MGAT4C: variants seen among roughly 807,000 people sequenced by gnomAD.
MGAT4C encodes alpha-1,3-mannosyl-glycoprotein 4-beta-N-acetylglucosaminyltransferase C.
In MGAT4C, 19 loss-of-function variants were observed where a neutral mutation model predicts 40.1. The ratio of observed to expected loss-of-function variants is 0.47; its 90% CI spans 0.33 to 0.70. The LOEUF (loss-of-function observed/expected upper bound fraction) is 0.70, where lower values mean the gene tolerates loss of function less well. Ranked by LOEUF, MGAT4C falls within the 30% of genes least tolerant of loss-of-function variation. The pLI, the probability that MGAT4C is intolerant of heterozygous loss-of-function variation, is 0.02. For missense variants in MGAT4C, 491 were observed against 563.2 expected (o/e 0.87, Z 1.30); for synonymous variants, 181 against 187.1 (o/e 0.97, Z 0.27).
intron 1 of MGAT4C, among the ~76,000 whole-genome samples, chr12:86,790,986 G>C (rs2136192788): frequency 6.6e-6 from 1 of 152,168 alleles, no homozygotes; most frequent in Admixed American, 6.6e-5. Flanking sequence ...CTGGGTTATT[G>C]GGAAGTTGCC....
At chr12:86,280,333 ATATATATTTATAATTAT>A (rs1292275724) in intron 4 of MGAT4C, among the ~76,000 whole-genome samples, 1 of 151,950 alleles carries the variant, frequency 6.6e-6, no homozygotes, top group Non-Finnish European at 1.5e-5. Context: ...TGTTGGGTGC[ATATATATTTATAATTAT>A]TATATCCTGT....
chr12:86,480,961 C>T (rs191554033), intron 2 of MGAT4C, among the ~76,000 whole-genome samples: 44 of 151,934 alleles, frequency 2.9e-4, no homozygotes, highest in African/African-American at 1.0e-3. Flanking sequence ...TGAAGTAAAA[C>T]TACCCATATA....
intron 1 of MGAT4C, among the ~76,000 whole-genome samples, chr12:86,102,937 A>G (rs1288227678): frequency 6.6e-6 from 1 of 152,188 alleles, no homozygotes; most frequent in East Asian, 1.9e-4. Context: ...TGTATCAGAT[A>G]TTTTGCAATT....
At chr12:86,829,429 GTAAC>G (rs1403308324) in intron 1 of MGAT4C, among the ~76,000 whole-genome samples, 3 of 151,542 alleles carry the variant, frequency 2.0e-5, no homozygotes, top group African/African-American at 2.4e-5. Flanking sequence ...GGAAGACTGA[GTAAC>G]TATTTCAAGT....
chr12:86,511,235 A>G (rs967413954), intron 2 of MGAT4C, among the ~76,000 whole-genome samples: 3 of 152,110 alleles, frequency 2.0e-5, no homozygotes, highest in Non-Finnish European at 4.4e-5. Context: ...CTGCTCCTGA[A>G]TGACTACTGG....
At chr12:86,562,679 G>A (rs545891607) in intron 2 of MGAT4C, among the ~76,000 whole-genome samples, 30 of 152,158 alleles carry the variant, frequency 2.0e-4, no homozygotes, top group Admixed American at 2.6e-4. Context: ...GCCCCTAGAG[G>A]TGAGGTTCAG....
At chr12:86,666,014 G>A (rs967190423) in intron 2 of MGAT4C, among the ~76,000 whole-genome samples, 1 of 151,998 alleles carries the variant, frequency 6.6e-6, no homozygotes, top group Non-Finnish European at 1.5e-5. Context: ...TTTTTTAAAG[G>A]CATATTGTTC....
At chr12:86,504,961 T>C (rs921606995) in intron 2 of MGAT4C, among the ~76,000 whole-genome samples, 5 of 152,258 alleles carry the variant, frequency 3.3e-5, no homozygotes, top group Non-Finnish European at 5.9e-5. Context: ...CTATTTTTTA[T>C]TAATTAGTTA....
intron 4 of MGAT4C, among the ~76,000 whole-genome samples, chr12:86,327,909 A>AT (rs1480394441): frequency 2.0e-5 from 3 of 151,750 alleles, no homozygotes; most frequent in South Asian, 2.1e-4. Context: ...CTTAAGGTTT[A>AT]TTTTTTTTCA....
In MGAT4C at chr12:86,628,020, A is replaced by T. The variant is rs368535451; in HGVS notation, c.-229+99189T>A. Reference sequence around the variant, plus strand: ...TGAAAAAAGATTAGATGTATGGCAAACTAGAATAAACAGTGTAGAGAAGAC... The same window carrying T: ...TGAAAAAAGATTAGATGTATGGCAATCTAGAATAAACAGTGTAGAGAAGAC... On this transcript the variant is annotated intron_variant, in intron 2 of 7. Transcript: ENST00000548651. 3.1e-3 allele frequency among the ~76,000 whole-genome samples: 471 copies of T among 151,054 alleles called. 5 individuals are homozygous for T. Among genetic ancestry groups the T allele is most frequent in the Middle Eastern group, 0.014 (4 of 286 alleles).
intron 2 of MGAT4C, among the ~76,000 whole-genome samples, chr12:86,026,727 T>C (rs931046299): frequency 2.6e-5 from 4 of 151,944 alleles, no homozygotes; most frequent in Admixed American, 6.6e-5. Context: ...AGTAGTTCAG[T>C]GTTTATTTTC....
At chr12:86,687,590 A>C (rs935341066) in intron 2 of MGAT4C, among the ~76,000 whole-genome samples, 1 of 152,020 alleles carries the variant, frequency 6.6e-6, no homozygotes, top group African/African-American at 2.4e-5. Context: ...TTATTTTGTT[A>C]TTTACGCAGT....
intron 2 of MGAT4C, among the ~76,000 whole-genome samples, chr12:86,644,388 A>G (rs1190510653): frequency 6.7e-6 from 1 of 150,344 alleles, no homozygotes; most frequent in Non-Finnish European, 1.5e-5. Context: ...GATGAAAACT[A>G]TGTATTATTG....
chr12:86,265,302 A>C (rs555982761), intron 4 of MGAT4C, among the ~76,000 whole-genome samples: 33 of 152,352 alleles, frequency 2.2e-4, no homozygotes, highest in African/African-American at 7.9e-4. Context: ...CTCAGGCAAA[A>C]GCGTCACCAG....
At chr12:86,134,249 A>C (rs1437016766) in intron 1 of MGAT4C, among the ~76,000 whole-genome samples, 1 of 152,116 alleles carries the variant, frequency 6.6e-6, no homozygotes, top group Non-Finnish European at 1.5e-5. Flanking sequence ...TTGATTAACC[A>C]GTAATTTTTA....
At chr12:86,052,289 C>T (rs953007571) in intron 1 of MGAT4C, among the ~76,000 whole-genome samples, 2 of 151,184 alleles carry the variant, frequency 1.3e-5, no homozygotes, top group Admixed American at 1.3e-4. Context: ...AGGTAAGTGA[C>T]CAAGCCTTCT....
At chr12:86,073,898 G>T (rs999983556) in intron 1 of MGAT4C, among the ~76,000 whole-genome samples, 2 of 152,114 alleles carry the variant, frequency 1.3e-5, no homozygotes, top group Admixed American at 1.3e-4. Flanking sequence ...AGGCACAGTT[G>T]GTTTTGAAAT....
At chr12:86,710,970 T>C (rs1950545903) in intron 2 of MGAT4C, among the ~76,000 whole-genome samples, 1 of 151,978 alleles carries the variant, frequency 6.6e-6, no homozygotes, top group African/African-American at 2.4e-5. Context: ...CACTTACAAA[T>C]GGGAGCAAAG....
At chr12:86,685,954 C>A (rs1593114117) in intron 2 of MGAT4C, among the ~76,000 whole-genome samples, 1 of 151,798 alleles carries the variant, frequency 6.6e-6, no homozygotes, top group Non-Finnish European at 1.5e-5. Context: ...GCTCTGCCTC[C>A]CAGGTTCACG....
Sources: allele counts gnomAD v4.1 joint callset (sites outside exome capture counted in the v4.1 genomes callset), GRCh38; gene constraint gnomAD v4.1.1; transcripts MANE v1.5; gene names NCBI Gene and HGNC (gene_info 2026-07-23, HGNC 2026-07-21).